CCDC187: variants seen among roughly 807,000 people sequenced by gnomAD.
The protein encoded by CCDC187 is coiled-coil domain-containing protein 187.
CCDC187 carries 32 observed loss-of-function variants against 38.0 expected under a neutral mutation model. The ratio of observed to expected loss-of-function variants is 0.84; its 90% confidence interval spans 0.64 to 1.13. The LOEUF is 1.13. Ranked by LOEUF, CCDC187 falls within the 50% of genes most tolerant of loss-of-function variation. The pLI is 0.00. For missense variants in CCDC187, 707 were observed against 786.8 expected (o/e 0.90, Z 1.21); for synonymous variants, 333 against 347.9 (o/e 0.96, Z 0.48).
At chr9:136,277,284 TGGGTGGGTGATGACG>T (rs1830949311) in intron 10 of CCDC187, among the ~76,000 whole-genome samples, 1 of 34,164 alleles carries the variant, frequency 2.9e-5, no homozygotes, top group Non-Finnish European at 5.4e-5. Flanking sequence ...GTGGACAGGG[TGGGTGGGTGATGACG>T]GGGTGGGTGT....
intron 15 of CCDC187, 86 bp from the exon 16 acceptor site, chr9:136,267,597 C>T (rs1015243639): frequency 1.7e-5 from 17 of 985,488 alleles, no homozygotes; most frequent in Non-Finnish European, 2.0e-5. Context: ...TGGGCCGCGT[C>T]ACCGCCTAGC....
At chr9:136,285,662 G>T (rs1831161961) in intron 8 of CCDC187, 56 bp from the exon 9 acceptor site, 1 of 399,478 alleles carries the variant, frequency 2.5e-6, no homozygotes, top group Non-Finnish European at 4.4e-6. Flanking sequence ...CACGGGACGG[G>T]GGACCCAAGC....
Position 136,281,930 on chromosome 9 carries a change from G to A in CCDC187, c.2928-267C>T, listed in dbSNP as rs972087995. ...GCCTGAGCATGCGTCCCAGCGTGGT[G>A]GCGTGGGCTGAGGTGAAGCCACCAG... On this transcript the variant is annotated intron_variant, in intron 9 of 25. Coordinates refer to ENST00000638797, the MANE Select transcript of CCDC187 (RefSeq NM_001378188.1). Among the ~76,000 whole-genome samples, 3 of 152,300 alleles carry A rather than the reference G, an allele frequency of 2.0e-5. No individual in the cohort carries two copies. The South Asian group carries it at 6.2e-4, about 32-fold the overall frequency.
intron 10 of CCDC187, among the ~76,000 whole-genome samples, chr9:136,279,628 G>A (rs990048052): frequency 0.043 from 6,570 of 152,324 alleles, 178 homozygotes; most frequent in Non-Finnish European, 0.051. Context: ...CAGGAAGGGC[G>A]GTCAGCAAAT....
intron 4 of CCDC187, among the ~76,000 whole-genome samples, chr9:136,292,757 C>G (rs1436302767): frequency 6.6e-6 from 1 of 152,244 alleles, no homozygotes; most frequent in Non-Finnish European, 1.5e-5. Flanking sequence ...GGTCCTGTCA[C>G]CGCTGGCCAC....
At position 136,251,106 on chromosome 9, in the gene CCDC187, G is replaced by A. The variant is rs1309568837; in HGVS notation, c.*2488C>T. 6 of 446,618 alleles carry A rather than the reference G, an allele frequency of 1.3e-5. No homozygotes were observed. The highest frequency in any genetic ancestry group is 1.2e-4 in the African/African-American group (6 of 49,922). 27.7% of individuals were successfully genotyped at this position (446,618 alleles called of 1,614,324 possible). On this transcript the variant is annotated 3_prime_UTR_variant, in exon 26 of 26. Coordinates refer to ENST00000638797, the MANE Select transcript of CCDC187 (RefSeq NM_001378188.1). Reference sequence around the variant, plus strand: ...AGGCCTGAGGCCCTGGACAGGAGAAGCCACATCCTGGAAGGATCAGTGCTG... The same window carrying A: ...AGGCCTGAGGCCCTGGACAGGAGAAACCACATCCTGGAAGGATCAGTGCTG...
upstream of CCDC187, among the ~76,000 whole-genome samples, chr9:136,305,125 G>C (rs1831779975): frequency 4.6e-5 from 7 of 152,362 alleles, no homozygotes. Context: ...AGGGGAGGGA[G>C]AGAGGAGCCA....
intron 10 of CCDC187, among the ~76,000 whole-genome samples, chr9:136,278,155 T>C (rs1830970269): frequency 6.6e-6 from 1 of 152,382 alleles, no homozygotes; most frequent in South Asian, 2.1e-4. Context: ...ATTCCTTTTT[T>C]GCAAAGGGAA....
rs1434657767 is a variant in CCDC187 at position 136,276,665 on chromosome 9, G to T, written c.3103C>A (p.Leu1035Met). The change falls in exon 11 of 26, where the codon CTG becomes ATG. Residue 1035 changes from leucine to methionine, a missense_variant. Transcript: ENST00000638797. ...PNTQQKTSSF[L>M]DSLKLDQQKQ... ...CTTGGGCAAACCTTCAGAGAATCCAGAAAGCTGGAGGTCTTCTGTTGGGTG... is the reference window on the plus strand; with the variant it reads ...CTTGGGCAAACCTTCAGAGAATCCATAAAGCTGGAGGTCTTCTGTTGGGTG... 6.6e-6 allele frequency: 1 copy of T among 152,154 alleles called. No individual in the cohort carries two copies. The highest frequency in any genetic ancestry group is 1.5e-5 in the Non-Finnish European group (1 of 68,052). 9.4% of individuals were successfully genotyped at this position (152,154 alleles called of 1,614,324 possible). A position where few individuals can be genotyped will look rare whatever the true frequency, so the allele number is the denominator to read the frequency against.
At chr9:136,270,862 C>T (rs890365207) in intron 14 of CCDC187, among the ~76,000 whole-genome samples, 2 of 152,184 alleles carry the variant, frequency 1.3e-5, no homozygotes, top group Non-Finnish European at 2.9e-5. Context: ...TCCCTTCAGA[C>T]CTGATGCTAT....
chr9:136,286,994 G>A (rs933339113), intron 7 of CCDC187, among the ~76,000 whole-genome samples: 204 of 152,322 alleles, frequency 1.3e-3, no homozygotes, highest in Middle Eastern at 3.4e-3. Context: ...GAACAACCAC[G>A]GGTCTGGCAA....
At chr9:136,305,683 G>A (rs1831791611), upstream of CCDC187, among the ~76,000 whole-genome samples, 1 of 152,252 alleles carries the variant, frequency 6.6e-6, no homozygotes, top group Admixed American at 6.5e-5. Flanking sequence ...GCTGCCTGGA[G>A]GCTCTGGAAG....
At chr9:136,297,159 AGGTGGCGTGAGCTGTG>A (rs1443688294) in intron 4 of CCDC187, among the ~76,000 whole-genome samples, 1 of 150,410 alleles carries the variant, frequency 6.6e-6, no homozygotes, top group African/African-American at 2.4e-5. Flanking sequence ...CGTGAGCTGC[AGGTGGCGTGAGCTGTG>A]GGTGGCGTAG....
Position 136,257,376 on chromosome 9 carries a change from TATA to T in CCDC187, c.4367-538_4367-536del, listed in dbSNP as rs66462838. Among the ~76,000 whole-genome samples, 83,244 of 146,838 alleles carry T rather than the reference TATA, an allele frequency of 0.57. 24,161 individuals are homozygous for T. Among genetic ancestry groups the T allele is most frequent in the Middle Eastern group, 0.64 (180 of 280 alleles). ...AGAGAGTGAGACTTTGTCTCAAAAT[TATA>T]ATAATAATAATAATAATAATAATAA... On this transcript the variant is annotated intron_variant, in intron 22 of 25. Transcript: ENST00000638797. The surrounding 1 kb of genome is among the most constrained non-coding windows in gnomAD (Gnocchi z 4.5).
chr9:136,277,894 T>C (rs1470795497), intron 10 of CCDC187, among the ~76,000 whole-genome samples: 5 of 152,144 alleles, frequency 3.3e-5, no homozygotes, highest in Admixed American at 2.6e-4. Context: ...GCTCCTCCAG[T>C]GGACTGCTCG....
At position 136,258,112 on chromosome 9, in the gene CCDC187, C is replaced by T. The variant is rs918184678; in HGVS notation, c.4366+820G>A. 2.0e-5 allele frequency among the ~76,000 whole-genome samples: 3 copies of T among 152,136 alleles called. No individual in the cohort carries two copies. Among genetic ancestry groups the T allele is most frequent in the East Asian group, 1.9e-4 (1 of 5,192 alleles). ...ACGGTGGCCGCAGAAGCCTGAACAGCGCAGGCCCGGAGGTGACGCGGGACA... is the reference window on the plus strand; with the variant it reads ...ACGGTGGCCGCAGAAGCCTGAACAGTGCAGGCCCGGAGGTGACGCGGGACA... On this transcript the variant is annotated intron_variant, in intron 22 of 25. Coordinates refer to ENST00000638797, the MANE Select transcript of CCDC187 (RefSeq NM_001378188.1). The surrounding 1 kb of genome is among the most constrained non-coding windows in gnomAD (Gnocchi z 4.3).
intron 21 of CCDC187, 103 bp downstream of exon 21, chr9:136,259,250 TGGGGGGGAGG>T (rs1554760713): frequency 9.1e-6 from 2 of 219,060 alleles, no homozygotes; most frequent in Admixed American, 1.0e-4. Flanking sequence ...GGCAGAATGT[TGGGGGGGAGG>T]GTACCAAGAT....
In CCDC187 at chr9:136,254,263, C is replaced by T; in HGVS notation, c.5565G>A (p.Gly1855=). 1 of 984,604 alleles carries T rather than the reference C, an allele frequency of 1.0e-6. No individual in the cohort carries two copies. Among genetic ancestry groups the T allele is most frequent in the Non-Finnish European group, 1.2e-6 (1 of 829,256 alleles). The allele number at this position is 984,604 out of a possible 1,614,324, so 61.0% of individuals were successfully genotyped here. A position where few individuals can be genotyped will look rare whatever the true frequency, so the allele number is the denominator to read the frequency against. The change falls in exon 26 of 26, where the codon GGG becomes GGA. Residue 1855 remains glycine (G), a synonymous_variant. Coordinates refer to ENST00000638797, the MANE Select transcript of CCDC187 (RefSeq NM_001378188.1). ...EASGTSESLM[G]VSDTGEALQA... Reference sequence around the variant, plus strand: ...GGAGGGCTTCTCCTGTGTCTGACACCCCCATCAGGCTCTCGCTGGTCCCAG... The same window carrying T: ...GGAGGGCTTCTCCTGTGTCTGACACTCCCATCAGGCTCTCGCTGGTCCCAG...
intron 10 of CCDC187, chr9:136,281,174 G>A (rs1227835399): frequency 5.6e-6 from 2 of 354,486 alleles, no homozygotes; most frequent in Non-Finnish European, 1.0e-5. Flanking sequence ...CAGGCAGTGG[G>A]CACTGCTCGT....
Sources: gnomAD v4.1 joint callset for allele counts (sites outside exome capture counted in the v4.1 genomes callset) on GRCh38, gnomAD v4.1.1 for gene constraint, Gnocchi (gnomAD v3.1) non-coding constraint, MANE v1.5 for transcripts, NCBI Gene and HGNC (gene_info 2026-07-23, HGNC 2026-07-21) for gene names.